The following PHACTR1 variants were observed in gnomAD, a reference collection of about 807,000 sequenced individuals.
PHACTR1 encodes the protein RPEL repeat containing 1.
Under a neutral mutation model 69.2 loss-of-function variants are expected in PHACTR1, and 16 were observed. That is an observed-to-expected ratio of 0.23 (90% confidence interval 0.16 to 0.35). The LOEUF (loss-of-function observed/expected upper bound fraction) is 0.35, where lower values mean the gene tolerates loss of function less well. Ranked by LOEUF, PHACTR1 falls within the 10% of genes least tolerant of loss-of-function variation. The probability of loss-of-function intolerance (pLI) is 1.00; values close to 1 mark genes in which losing one functional copy is unlikely to be tolerated. For missense variants in PHACTR1, 510 were observed against 734.7 expected (o/e 0.69, Z 3.54); for synonymous variants, 312 against 284.5 (o/e 1.10, Z -0.97).
At chr6:12,814,689 A>G (rs1775388208) in intron 4 of PHACTR1, among the ~76,000 whole-genome samples, 1 of 130,162 alleles carries the variant, frequency 7.7e-6, no homozygotes, top group South Asian at 2.2e-4. Flanking sequence ...CAAATGTTCT[A>G]CAAATGGAAG....
At chr6:12,773,850 C>G (rs184576783) in intron 4 of PHACTR1, among the ~76,000 whole-genome samples, 1 of 152,226 alleles carries the variant, frequency 6.6e-6, no homozygotes, top group African/African-American at 2.4e-5. Context: ...CTCATCTTTT[C>G]TTTTTTTCAT....
At chr6:13,026,934 T>A (rs565921255) in intron 4 of PHACTR1, among the ~76,000 whole-genome samples, 29 of 151,844 alleles carry the variant, frequency 1.9e-4, no homozygotes, top group Admixed American at 1.8e-3. Context: ...AAATAAAAAA[T>A]AAAAAAAATA....
chr6:12,830,945 C>T (rs1777501255), intron 4 of PHACTR1, among the ~76,000 whole-genome samples: 1 of 151,944 alleles, frequency 6.6e-6, no homozygotes, highest in African/African-American at 2.4e-5. Context: ...TTAGGGGGTA[C>T]AAGTATGCTT....
At chr6:13,252,628 A>AAG (rs1260730024) in intron 10 of PHACTR1, among the ~76,000 whole-genome samples, 17 of 151,538 alleles carry the variant, frequency 1.1e-4, no homozygotes, top group African/African-American at 4.1e-4. Context: ...AAAAAAAAAA[A>AAG]GTTTTGGGGG....
intron 4 of PHACTR1, among the ~76,000 whole-genome samples, chr6:12,900,867 C>G (rs1455918735): frequency 6.6e-6 from 1 of 152,136 alleles, no homozygotes; most frequent in Non-Finnish European, 1.5e-5. Flanking sequence ...GTTTAAACCT[C>G]TTTTGCTTGT....
At chr6:13,258,048 T>G (rs1775413535) in intron 10 of PHACTR1, among the ~76,000 whole-genome samples, 1 of 152,068 alleles carries the variant, frequency 6.6e-6, no homozygotes, top group East Asian at 1.9e-4. Context: ...CCTGCAAAGC[T>G]TAAACAAACA....
Position 12,874,426 on chromosome 6 carries a change from T to C in PHACTR1, c.250+124636T>C, listed in dbSNP as rs192622258. Among the ~76,000 whole-genome samples the C allele has an allele frequency of 2.6e-5, 4 of 152,342 alleles. No homozygotes were observed. In the East Asian group the frequency reaches 7.7e-4, roughly 29 times the overall value. On this transcript the variant is annotated intron_variant, in intron 4 of 14. Transcript: ENST00000332995. ...TCATTTCAGTAATTACAGTTTAGTT[T>C]TTTAGAACAGCTGTATAAATACCAA...
intron 4 of PHACTR1, among the ~76,000 whole-genome samples, chr6:12,868,528 C>T (rs1781704089): frequency 1.3e-5 from 2 of 152,104 alleles, no homozygotes; most frequent in South Asian, 4.2e-4. Context: ...TGAATCAAGA[C>T]TCTTTCATCG....
chr6:12,899,570 T>C (rs1784991787), intron 4 of PHACTR1, among the ~76,000 whole-genome samples: 1 of 152,196 alleles, frequency 6.6e-6, no homozygotes, highest in Non-Finnish European at 1.5e-5. Context: ...AAACAGTCAG[T>C]GACAAGAGAG....
At chr6:12,791,658 T>C (rs923133106) in intron 4 of PHACTR1, among the ~76,000 whole-genome samples, 3 of 152,188 alleles carry the variant, frequency 2.0e-5, no homozygotes, top group Admixed American at 6.5e-5. Flanking sequence ...GAAAAGGATA[T>C]AGTAATGCAC....
intron 10 of PHACTR1, among the ~76,000 whole-genome samples, chr6:13,252,065 A>AAG (rs1554173594): frequency 1.4e-4 from 21 of 149,666 alleles, no homozygotes; most frequent in Admixed American, 7.3e-4. Flanking sequence ...AAAAAAAAAA[A>AAG]AAAGAAAGAA....
chr6:13,268,039 G>A (rs1777056195), intron 10 of PHACTR1, among the ~76,000 whole-genome samples: 1 of 152,058 alleles, frequency 6.6e-6, no homozygotes, highest in African/African-American at 2.4e-5. Flanking sequence ...GGCCGAGGTG[G>A]GTGGATCACC....
intron 4 of PHACTR1, among the ~76,000 whole-genome samples, chr6:13,023,655 A>G (rs1801295111): frequency 6.6e-6 from 1 of 152,234 alleles, no homozygotes; most frequent in African/African-American, 2.4e-5. Flanking sequence ...GTGAAGCACC[A>G]TCTTCTTTTG....
rs901318241 is a variant in PHACTR1, at chr6:13,105,330, G to A, written c.415+51801G>A. On this transcript the variant is annotated intron_variant, in intron 5 of 14. Transcript: ENST00000332995. ...GAGGGTTGAGGCTACAGTGAGCCAT[G>A]ATTATGCCACTGCATTCCACCCTGG... is the stretch of plus-strand genomic sequence containing the variant. Among the ~76,000 whole-genome samples the A allele has an allele frequency of 2.0e-5, 3 of 152,092 alleles. No individual in the cohort carries two copies. In the South Asian group the frequency reaches 6.2e-4, roughly 32 times the overall value.
chr6:12,920,765 G>T (rs1409374279), intron 4 of PHACTR1, among the ~76,000 whole-genome samples: 1 of 152,238 alleles, frequency 6.6e-6, no homozygotes, highest in Non-Finnish European at 1.5e-5. Context: ...AAAGAAAGTA[G>T]CTGTAAGAAG....
chr6:12,875,480 G>C (rs1782442369), intron 4 of PHACTR1, among the ~76,000 whole-genome samples: 1 of 152,200 alleles, frequency 6.6e-6, no homozygotes, highest in South Asian at 2.1e-4. Flanking sequence ...CCAAGAGTCA[G>C]CCTTGGCCTT....
At chr6:12,839,712 G>T (rs187640575) in intron 4 of PHACTR1, among the ~76,000 whole-genome samples, 1 of 152,144 alleles carries the variant, frequency 6.6e-6, no homozygotes, top group African/African-American at 2.4e-5. Context: ...CAGTGAGTTC[G>T]CCCTTATGCA....
chr6:12,965,598 G>A lies in PHACTR1; in HGVS notation c.251-87767G>A, dbSNP rs1292383272. Among the ~76,000 whole-genome samples the A allele has an allele frequency of 2.0e-5, 3 of 152,138 alleles. No homozygotes were observed. The East Asian group carries it at 5.8e-4, about 29-fold the overall frequency. On this transcript the variant is annotated intron_variant, in intron 4 of 14. Coordinates refer to ENST00000332995, the MANE Select transcript of PHACTR1 (RefSeq NM_030948.6). ...TTTATGGAGAACATACAGTGAGCGT[G>A]GCTCAGGCATGAGTGATAGTGCTGT...
intron 4 of PHACTR1, among the ~76,000 whole-genome samples, chr6:12,937,552 G>A (rs942299538): frequency 6.6e-6 from 1 of 152,104 alleles, no homozygotes; most frequent in Non-Finnish European, 1.5e-5. Context: ...GGGATATAGA[G>A]AGTAAACAAA....
Sources: gnomAD v4.1 joint callset for allele counts (sites outside exome capture counted in the v4.1 genomes callset) on GRCh38, gnomAD v4.1.1 for gene constraint, MANE v1.5 for transcripts, NCBI Gene and HGNC (gene_info 2026-07-23, HGNC 2026-07-21) for gene names.